Variants in LINGO2 observed in about 807,000 individuals in gnomAD.
LINGO2 encodes leucine rich repeat and Ig domain containing 2.
In LINGO2, 14 loss-of-function variants were observed where a neutral mutation model predicts 30.6. The ratio of observed to expected loss-of-function variants is 0.46; its 90% confidence interval spans 0.30 to 0.72. The LOEUF (loss-of-function observed/expected upper bound fraction) is 0.72, where lower values mean the gene tolerates loss of function less well. Ranked by LOEUF, LINGO2 falls within the 30% of genes least tolerant of loss-of-function variation. The probability of loss-of-function intolerance (pLI) is 0.07; values close to 1 mark genes in which losing one functional copy is unlikely to be tolerated. For synonymous variants in LINGO2, 317 were observed against 288.5 expected, an observed-to-expected ratio of 1.10 and a Z score of -1.00; for missense variants, 729 against 751.7, an observed-to-expected ratio of 0.97 and a Z score of 0.35.
intron 5 of LINGO2, among the ~76,000 whole-genome samples, chr9:27,987,040 T>TTG (rs1164094934): frequency 1.3e-5 from 2 of 151,636 alleles, no homozygotes; most frequent in East Asian, 2.0e-4. Context: ...CGACTTTTTT[T>TTG]TGTGTGTGTG....
intron 2 of LINGO2, among the ~76,000 whole-genome samples, chr9:28,392,935 C>A (rs1821896762): frequency 6.6e-6 from 1 of 152,184 alleles, no homozygotes; most frequent in South Asian, 2.1e-4. Context: ...AAATGTAACA[C>A]TATCCCCAAG....
At chr9:28,951,586 T>C in the LINGO2 span, among the ~76,000 whole-genome samples, 3 of 152,116 alleles carry the variant, frequency 2.0e-5, no homozygotes, top group South Asian at 2.1e-4. Flanking sequence ...TATCCCATCC[T>C]GAGAGCTCTT....
chr9:28,803,023 C>A, the LINGO2 span, among the ~76,000 whole-genome samples: 4 of 151,970 alleles, frequency 2.6e-5, no homozygotes, highest in Non-Finnish European at 5.9e-5. Context: ...AATCAAGACT[C>A]TGGGAAAGAG....
intron 1 of LINGO2, among the ~76,000 whole-genome samples, chr9:28,629,882 A>C (rs986804161): frequency 3.9e-5 from 6 of 152,052 alleles, no homozygotes; most frequent in African/African-American, 1.2e-4. Flanking sequence ...AAAAAGTTTC[A>C]TCTAGCATTA....
the LINGO2 span, among the ~76,000 whole-genome samples, chr9:28,835,239 C>T: frequency 6.6e-6 from 1 of 151,996 alleles, no homozygotes; most frequent in African/African-American, 2.4e-5. Context: ...AATATCTGAC[C>T]CAAAGCAAGA....
At chr9:28,387,279 C>A (rs1821622688) in intron 2 of LINGO2, among the ~76,000 whole-genome samples, 1 of 151,838 alleles carries the variant, frequency 6.6e-6, no homozygotes. Context: ...CACTCTGTGT[C>A]TAAAGGTTTT....
At chr9:28,652,763 T>G (rs1222146488) in intron 1 of LINGO2, among the ~76,000 whole-genome samples, 1 of 151,758 alleles carries the variant, frequency 6.6e-6, no homozygotes, top group Non-Finnish European at 1.5e-5. Context: ...CATCCATGTA[T>G]GGTGGAGGAA....
chr9:29,152,653 G>A, the LINGO2 span, among the ~76,000 whole-genome samples: 1 of 152,108 alleles, frequency 6.6e-6, no homozygotes, highest in Admixed American at 6.6e-5. Flanking sequence ...TACTATAGGA[G>A]GAAATGGGGA....
the LINGO2 span, among the ~76,000 whole-genome samples, chr9:28,828,112 T>C: frequency 6.6e-6 from 1 of 151,796 alleles, no homozygotes; most frequent in Admixed American, 6.6e-5. Flanking sequence ...ATTAAATATA[T>C]ATACATATAT....
At chr9:28,629,373 G>C (rs1444714755) in intron 1 of LINGO2, among the ~76,000 whole-genome samples, 2 of 152,044 alleles carry the variant, frequency 1.3e-5, no homozygotes, top group African/African-American at 4.8e-5. Flanking sequence ...AAGAATGAAA[G>C]ACTAGAAATT....
intron 3 of LINGO2, among the ~76,000 whole-genome samples, chr9:28,361,850 AT>A (rs1406798814): frequency 6.6e-6 from 1 of 152,190 alleles, no homozygotes; most frequent in Non-Finnish European, 1.5e-5. Flanking sequence ...TTTAACAGAC[AT>A]TTACAAGTTT....
intron 4 of LINGO2, among the ~76,000 whole-genome samples, chr9:28,048,392 A>G (rs1201641720): frequency 6.6e-6 from 1 of 150,910 alleles, no homozygotes; most frequent in East Asian, 2.0e-4. Context: ...AATGACATGA[A>G]CATCAAAATT....
At chr9:28,543,027 A>T (rs189469720) in intron 1 of LINGO2, among the ~76,000 whole-genome samples, 2 of 152,264 alleles carry the variant, frequency 1.3e-5, no homozygotes, top group East Asian at 3.9e-4. Flanking sequence ...AAATATGGTA[A>T]AACATGTCCT....
chr9:28,481,170 T>C (rs1030687345), intron 1 of LINGO2, among the ~76,000 whole-genome samples: 3 of 152,182 alleles, frequency 2.0e-5, no homozygotes, highest in Non-Finnish European at 2.9e-5. Flanking sequence ...TCATTTCCTA[T>C]GTGCAAATTC....
intron 2 of LINGO2, among the ~76,000 whole-genome samples, chr9:28,395,895 C>T (rs745615210): frequency 1.3e-5 from 2 of 152,086 alleles, no homozygotes; most frequent in African/African-American, 2.4e-5. Context: ...TTTCAGCAAC[C>T]TTTTTCTGTG....
At position 28,005,328 on chromosome 9, in the gene LINGO2, C is replaced by G. The variant is rs73441704; in HGVS notation, c.-36+7027G>C. ...CTTAGCCAATTTGGTTATCATGTTTCTTAACTGCTCTGGTGAGGATATCAT... is the reference window on the plus strand; with the variant it reads ...CTTAGCCAATTTGGTTATCATGTTTGTTAACTGCTCTGGTGAGGATATCAT... On this transcript the variant is annotated intron_variant, in intron 5 of 5. Transcript: ENST00000379992. 7.2e-5 allele frequency among the ~76,000 whole-genome samples: 11 copies of G among 152,230 alleles called. No individual in the cohort carries two copies. In the South Asian group the frequency reaches 2.1e-3, roughly 29 times the overall value.
chr9:28,908,428 T>C, the LINGO2 span, among the ~76,000 whole-genome samples: 5 of 151,834 alleles, frequency 3.3e-5, no homozygotes, highest in Admixed American at 6.6e-5. Flanking sequence ...CTCTCTCAAG[T>C]AAAAAGTGAT....
At chr9:28,447,426 G>A (rs1462662397) in intron 2 of LINGO2, among the ~76,000 whole-genome samples, 2 of 152,266 alleles carry the variant, frequency 1.3e-5, no homozygotes, top group Non-Finnish European at 2.9e-5. Context: ...ACCAGACATG[G>A]AATTTACTAG....
chr9:29,114,119 G>A, the LINGO2 span, among the ~76,000 whole-genome samples: 1 of 142,172 alleles, frequency 7.0e-6, no homozygotes, highest in African/African-American at 2.6e-5. Flanking sequence ...GACTTTTTTG[G>A]TTCCTAACCT....
Sources: gnomAD v4.1 joint callset for allele counts (sites outside exome capture counted in the v4.1 genomes callset) on GRCh38, gnomAD v4.1.1 for gene constraint, MANE v1.5 for transcripts, NCBI Gene and HGNC (gene_info 2026-07-23, HGNC 2026-07-21) for gene names.